The following NAV3 variants were observed in gnomAD, a reference collection of about 807,000 sequenced individuals.
The protein encoded by NAV3 is pore membrane and/or filament interacting like protein 1.
In NAV3, 87 loss-of-function variants were observed where a neutral mutation model predicts 244.7. That is an observed-to-expected ratio of 0.36 (90% CI 0.30 to 0.42). The LOEUF is 0.42. Among genes scored for constraint, NAV3 ranks in the 20% least tolerant of loss-of-function variants. The probability of loss-of-function intolerance (pLI) is 1.00; values close to 1 mark genes in which losing one functional copy is unlikely to be tolerated. For missense variants in NAV3, 2,663 were observed against 2,893.3 expected, an observed-to-expected ratio of 0.92 and a Z score of 1.83; for synonymous variants, 1,126 against 1,042.2, an observed-to-expected ratio of 1.08 and a Z score of -1.55.
chr12:77,699,035 G>A (rs7978105), intron 2 of NAV3, among the ~76,000 whole-genome samples: 3,584 of 152,082 alleles, frequency 0.024, 71 homozygotes, highest in African/African-American at 0.053. Flanking sequence ...ATATACTCTA[G>A]ATTCAGGATA....
intron 12 of NAV3, among the ~76,000 whole-genome samples, chr12:78,072,362 C>G (rs1404561475): frequency 9.1e-6 from 1 of 109,568 alleles, no homozygotes; most frequent in African/African-American, 3.6e-5. Context: ...ATATCACCAC[C>G]GATCCCACAG....
chr12:77,940,244 A>G (rs900516289), intron 1 of NAV3, 75 bp from the exon 2 acceptor site: 48 of 1,070,602 alleles, frequency 4.5e-5, no homozygotes, highest in Non-Finnish European at 5.6e-6. Context: ...TTTGAATCCA[A>G]CATTTGTCTT....
chr12:77,943,338 G>A (rs1347197888), intron 3 of NAV3, among the ~76,000 whole-genome samples: 1 of 152,120 alleles, frequency 6.6e-6, no homozygotes, highest in Non-Finnish European at 1.5e-5. Context: ...TATAAAAAAG[G>A]TAGTTTATTC....
intron 1 of NAV3, among the ~76,000 whole-genome samples, chr12:77,900,297 C>T (rs899674724): frequency 1.3e-4 from 20 of 152,154 alleles, no homozygotes; most frequent in Admixed American, 5.2e-4. Context: ...AGGATGGTCT[C>T]GATCTCCTGA....
chr12:77,795,783 G>T (rs1565816969), intron 2 of NAV3, among the ~76,000 whole-genome samples: 1 of 152,046 alleles, frequency 6.6e-6, no homozygotes, highest in Non-Finnish European at 1.5e-5. Flanking sequence ...ACTCCCTTAA[G>T]AATTATGCTA....
At position 77,940,501 on chromosome 12, in the gene NAV3, CT is replaced by C. The variant is rs1474659179; in HGVS notation, c.361+67del. On this transcript the variant is annotated intron_variant, in intron 2 of 39. Coordinates refer to ENST00000397909, the MANE Select transcript of NAV3 (RefSeq NM_001024383.2). ...CTCCCATCTCTTTGGTAAAGCACAA[CT>C]TAAGTTAAGCGCCTTACTGAACTGG... 3.8e-6 allele frequency: 5 copies of C among 1,305,494 alleles called. No homozygotes were observed. The African/African-American group carries it at 7.3e-5, about 19-fold the overall frequency. The allele number at this position is 1,305,494 out of a possible 1,614,324, so 80.9% of individuals were successfully genotyped here. A position where few individuals can be genotyped will look rare whatever the true frequency, so the allele number is the denominator to read the frequency against.
chr12:77,872,976 C>T (rs552862834), intron 1 of NAV3, among the ~76,000 whole-genome samples: 89 of 152,246 alleles, frequency 5.8e-4, no homozygotes, highest in South Asian at 3.5e-3. Flanking sequence ...GGCGGGACCC[C>T]GCAGGAGGTA....
chr12:78,128,912 C>A (rs2138858263), intron 18 of NAV3, 46 bp downstream of exon 18: 2 of 1,562,926 alleles, frequency 1.3e-6, no homozygotes, highest in Non-Finnish European at 1.7e-6. Context: ...CTTTCACCAC[C>A]CACTCTCACA....
intron 2 of NAV3, among the ~76,000 whole-genome samples, chr12:77,576,890 A>G (rs1565721691): frequency 6.6e-6 from 1 of 152,012 alleles, no homozygotes; most frequent in Non-Finnish European, 1.5e-5. Flanking sequence ...TGTATATTAC[A>G]TAAGTTATAG....
chr12:78,208,957 G>A (rs1390064130), intron 39 of NAV3, among the ~76,000 whole-genome samples: 1 of 151,976 alleles, frequency 6.6e-6, no homozygotes, highest in Admixed American at 6.6e-5. Context: ...AGGAAGGTAG[G>A]GGTGTGGGTG....
At chr12:78,081,893 T>C (rs1170050940) in intron 12 of NAV3, among the ~76,000 whole-genome samples, 1 of 152,214 alleles carries the variant, frequency 6.6e-6, no homozygotes, top group East Asian at 1.9e-4. Flanking sequence ...GACTTTTAAG[T>C]AGATCTTTTC....
intron 1 of NAV3, among the ~76,000 whole-genome samples, chr12:77,869,034 A>G (rs889178066): frequency 4.8e-4 from 73 of 151,224 alleles, no homozygotes; most frequent in African/African-American, 1.7e-3. Context: ...ATCGAGGTAA[A>G]AAACAAACAA....
At chr12:77,888,797 T>G (rs1883601266) in intron 1 of NAV3, among the ~76,000 whole-genome samples, 1 of 152,140 alleles carries the variant, frequency 6.6e-6, no homozygotes, top group Non-Finnish European at 1.5e-5. Flanking sequence ...TTCAAATGTT[T>G]TTATCTTTGT....
chr12:77,972,035 A>C (rs1025394670), intron 5 of NAV3, among the ~76,000 whole-genome samples: 2 of 152,222 alleles, frequency 1.3e-5, no homozygotes, highest in African/African-American at 4.8e-5. Context: ...AAAGGTTAAC[A>C]AGTGAAATAT....
At chr12:78,021,911 C>A (rs1351917004) in intron 9 of NAV3, 49 bp downstream of exon 9, 5 of 1,209,750 alleles carry the variant, frequency 4.1e-6, no homozygotes, top group Non-Finnish European at 6.0e-6. Context: ...TTTCCGTATT[C>A]TCTCCATAAG....
chr12:77,823,591 C>A (rs1223038328), intron 2 of NAV3, among the ~76,000 whole-genome samples: 1 of 152,204 alleles, frequency 6.6e-6, no homozygotes, highest in Non-Finnish European at 1.5e-5. Flanking sequence ...GCAATCAGAT[C>A]TGTACCTTCT....
chr12:77,832,672 A>C (rs540903911), intron 1 of NAV3, among the ~76,000 whole-genome samples: 1 of 152,274 alleles, frequency 6.6e-6, no homozygotes, highest in East Asian at 1.9e-4. Context: ...ATATAGAATA[A>C]GTTATTGTTG....
intron 2 of NAV3, among the ~76,000 whole-genome samples, chr12:77,795,112 G>A (rs886615713): frequency 1.3e-5 from 2 of 152,172 alleles, no homozygotes; most frequent in African/African-American, 4.8e-5. Flanking sequence ...TAGGCTTAAT[G>A]AGCCAGTTAG....
upstream of NAV3, among the ~76,000 whole-genome samples, chr12:77,826,501 A>C (rs557301637): frequency 4.7e-4 from 71 of 152,220 alleles, no homozygotes; most frequent in Admixed American, 2.2e-3. Flanking sequence ...CCCTCCCCCC[A>C]AAAAATTATA....
Sources: gnomAD v4.1 joint callset for allele counts (sites outside exome capture counted in the v4.1 genomes callset) on GRCh38, gnomAD v4.1.1 for gene constraint, MANE v1.5 for transcripts, NCBI Gene and HGNC (gene_info 2026-07-23, HGNC 2026-07-21) for gene names.